CDH13: variants seen among roughly 807,000 people sequenced by gnomAD.
CDH13 encodes cadherin 13.
A neutral mutation model predicts 63.8 loss-of-function variants in CDH13; 24 were observed. The ratio of observed to expected loss-of-function variants is 0.38; its 90% CI spans 0.27 to 0.53. The LOEUF (loss-of-function observed/expected upper bound fraction) is 0.53, where lower values mean the gene tolerates loss of function less well. CDH13 is among the 20% of genes least tolerant of loss of function. The probability of loss-of-function intolerance (pLI) is 0.85; values close to 1 mark genes in which losing one functional copy is unlikely to be tolerated. For missense variants in CDH13, 1,049 were observed against 903.1 expected (o/e 1.16, Z -2.07); for synonymous variants, 503 against 355.3 (o/e 1.42, Z -4.67).
At chr16:83,407,685 C>G (rs1293868328) in intron 6 of CDH13, among the ~76,000 whole-genome samples, 1 of 152,178 alleles carries the variant, frequency 6.6e-6, no homozygotes, top group Non-Finnish European at 1.5e-5. Context: ...TTAGTTTACT[C>G]ATTTTTAATT....
intron 5 of CDH13, among the ~76,000 whole-genome samples, chr16:83,259,089 T>TA (rs1368091139): frequency 6.6e-6 from 1 of 152,094 alleles, no homozygotes; most frequent in Non-Finnish European, 1.5e-5. Flanking sequence ...AGGGCTGTGG[T>TA]AGGATGTGGG....
chr16:82,657,990 T>G (rs143008069), intron 1 of CDH13, among the ~76,000 whole-genome samples: 196 of 152,374 alleles, frequency 1.3e-3, no homozygotes, highest in African/African-American at 4.6e-3. Flanking sequence ...CTTGCCTTGC[T>G]ACTGATCTTA....
At chr16:83,410,350 A>G (rs2092108018) in intron 6 of CDH13, among the ~76,000 whole-genome samples, 1 of 152,170 alleles carries the variant, frequency 6.6e-6, no homozygotes, top group Non-Finnish European at 1.5e-5. Context: ...TAACCTTTTT[A>G]TCTCTTATAC....
chr16:83,099,614 G>A (rs894830295), intron 3 of CDH13, among the ~76,000 whole-genome samples: 11 of 147,646 alleles, frequency 7.5e-5, no homozygotes, highest in African/African-American at 1.5e-4. Flanking sequence ...GTGAGCCACC[G>A]TGCCGGGCCT....
At chr16:82,877,960 C>CACACAT (rs1484544279) in intron 2 of CDH13, among the ~76,000 whole-genome samples, 1 of 91,132 alleles carries the variant, frequency 1.1e-5, no homozygotes, top group Non-Finnish European at 2.2e-5. Flanking sequence ...CACACACACA[C>CACACAT]ATATACACAC....
chr16:83,443,296 G>T (rs866735575), intron 6 of CDH13, among the ~76,000 whole-genome samples: 1 of 152,140 alleles, frequency 6.6e-6, no homozygotes, highest in African/African-American at 2.4e-5. Context: ...AGGCTGGGAG[G>T]CCCTTCCGCA....
At chr16:82,768,038 C>G (rs998835386) in intron 1 of CDH13, among the ~76,000 whole-genome samples, 3 of 151,786 alleles carry the variant, frequency 2.0e-5, no homozygotes, top group African/African-American at 7.3e-5. Context: ...TGGGTTGAGG[C>G]TAAAGGTTCA....
chr16:83,769,449 A>G (rs1013833705), intron 11 of CDH13, among the ~76,000 whole-genome samples: 5 of 152,136 alleles, frequency 3.3e-5, no homozygotes, highest in African/African-American at 1.2e-4. Flanking sequence ...AGAAAAGTGA[A>G]TTTATTTTTG....
chr16:83,689,927 G>A (rs946613650), intron 10 of CDH13, among the ~76,000 whole-genome samples: 4 of 152,166 alleles, frequency 2.6e-5, no homozygotes, highest in African/African-American at 7.2e-5. Flanking sequence ...GGCTCACACC[G>A]GCAATCCCAG....
chr16:83,614,649 C>G (rs530871923), intron 8 of CDH13, among the ~76,000 whole-genome samples: 73 of 152,228 alleles, frequency 4.8e-4, no homozygotes, highest in African/African-American at 1.7e-3. Context: ...AAATCCATAT[C>G]CTGGTTGTTC....
chr16:83,779,830 T>A, intron 11 of CDH13, 138 bp from the exon 12 acceptor site: 1 of 612,528 alleles, frequency 1.6e-6, no homozygotes, highest in Non-Finnish European at 2.8e-6. Context: ...TGCATTCCAG[T>A]CTGGGCGATA....
chr16:83,292,220 G>A (rs1176826745), intron 5 of CDH13, among the ~76,000 whole-genome samples: 1 of 152,206 alleles, frequency 6.6e-6, no homozygotes, highest in East Asian at 1.9e-4. Flanking sequence ...ATACACAGTT[G>A]TAATCACAGT....
At chr16:82,666,422 AC>A (rs1423509378) in intron 1 of CDH13, among the ~76,000 whole-genome samples, 2 of 152,186 alleles carry the variant, frequency 1.3e-5, no homozygotes, top group Non-Finnish European at 2.9e-5. Context: ...TCAATGGATG[AC>A]CATACACTGT....
chr16:82,904,854 A>G (rs1023103558), intron 2 of CDH13, among the ~76,000 whole-genome samples: 1 of 151,968 alleles, frequency 6.6e-6, no homozygotes, highest in Non-Finnish European at 1.5e-5. Context: ...CGACATTTGA[A>G]CTAAATGAAC....
chr16:83,102,486 T>C (rs532013670), intron 3 of CDH13, among the ~76,000 whole-genome samples: 2 of 152,106 alleles, frequency 1.3e-5, no homozygotes, highest in South Asian at 4.2e-4. Flanking sequence ...GAGCTTGCAG[T>C]AACAGGGGCA....
intron 7 of CDH13, among the ~76,000 whole-genome samples, chr16:83,527,138 A>C (rs1567738161): frequency 6.6e-6 from 1 of 152,002 alleles, no homozygotes; most frequent in Non-Finnish European, 1.5e-5. Flanking sequence ...CTCAAAAAAA[A>C]AAAATTGTTT....
At chr16:82,786,004 C>G (rs984972575) in intron 1 of CDH13, among the ~76,000 whole-genome samples, 1 of 152,180 alleles carries the variant, frequency 6.6e-6, no homozygotes, top group South Asian at 2.1e-4. Flanking sequence ...AAACTAATTC[C>G]GACTGGCAAA....
intron 1 of CDH13, among the ~76,000 whole-genome samples, chr16:82,697,423 C>CTTTTTTTTT (rs34376129): frequency 2.0e-4 from 11 of 54,898 alleles, no homozygotes; most frequent in African/African-American, 3.8e-4. Flanking sequence ...TTTCTTTTTT[C>CTTTTTTTTT]TTTTTTTTTT....
At chr16:83,774,257 C>T (rs952617936) in intron 11 of CDH13, among the ~76,000 whole-genome samples, 2 of 152,152 alleles carry the variant, frequency 1.3e-5, no homozygotes, top group African/African-American at 2.4e-5. Context: ...AATGATGATT[C>T]CTTGGGTACC....
Sources: gnomAD v4.1 joint callset for allele counts (sites outside exome capture counted in the v4.1 genomes callset) on GRCh38, gnomAD v4.1.1 for gene constraint, MANE v1.5 for transcripts, NCBI Gene and HGNC (gene_info 2026-07-23, HGNC 2026-07-21) for gene names.